The following SLC2A6 variants were observed in gnomAD, a reference collection of about 807,000 sequenced individuals.
The protein encoded by SLC2A6 is solute carrier family 2 member 6.
A neutral mutation model predicts 47.8 loss-of-function variants in SLC2A6; 39 were observed. The observed-to-expected ratio is 0.82, with a 90% confidence interval of 0.63 to 1.07. The LOEUF (loss-of-function observed/expected upper bound fraction) is 1.07. Ranked by LOEUF, SLC2A6 falls within the 50% of genes least tolerant of loss-of-function variation. SLC2A6 has a pLI of 0.00. For missense variants in SLC2A6, 650 were observed against 707.6 expected (o/e 0.92, Z 0.92); for synonymous variants, 346 against 324.1 (o/e 1.07, Z -0.73).
intron 3 of SLC2A6, 124 bp from the exon 4 acceptor site, chr9:133,476,460 G>A (rs1554803412): frequency 6.3e-6 from 5 of 797,054 alleles, no homozygotes; most frequent in Middle Eastern, 4.4e-4. Flanking sequence ...TGGTGGGGCT[G>A]AGTCCTGGTC....
At chr9:133,473,841 G>C in intron 7 of SLC2A6, 139 bp downstream of exon 7, 3 of 808,062 alleles carry the variant, frequency 3.7e-6, no homozygotes, top group Non-Finnish European at 5.7e-6. Context: ...GCCTGGGCCA[G>C]GGCCCTGCCG....
Position 133,475,077 on chromosome 9 carries a change from GT to G in SLC2A6, c.810del (p.His271ThrfsTer11). ...SRVSWAEARA[P>X]HVCRPITVAL... ...GCCACGGTGATGGGCCGGCACACGT[GT>G]GGGGCCCGTGCCTCAGCCCACGATA... On this transcript the variant is annotated frameshift_variant, in exon 6 of 10. Coordinates refer to ENST00000371899, the MANE Select transcript of SLC2A6 (RefSeq NM_017585.4). LOFTEE classifies it high-confidence loss of function. 1.3e-6 allele frequency: 2 copies of G among 1,596,974 alleles called. No individual in the cohort carries two copies. The highest frequency in any genetic ancestry group is 1.7e-6 in the Non-Finnish European group (2 of 1,173,902).
chr9:133,474,699 C>G (rs940088291), intron 6 of SLC2A6, among the ~76,000 whole-genome samples: 2 of 152,240 alleles, frequency 1.3e-5, no homozygotes, highest in Non-Finnish European at 2.9e-5. Context: ...CCCGCCTTGG[C>G]CTCGTGTTGG....
chr9:133,476,302 C>T lies in SLC2A6; in HGVS notation c.497G>A (p.Arg166His), dbSNP rs781964271. Residue 166 changes from arginine (R) to histidine (H), a missense_variant, in exon 4 of 10, where the codon CGT (arginine) becomes CAT (histidine). Arg to His is a conservative substitution (Grantham distance 29, BLOSUM62 0). Coordinates refer to ENST00000371899, the MANE Select transcript of SLC2A6 (RefSeq NM_017585.4). The stretch of plus-strand genomic sequence containing the variant: ...CTGGGGTGTGGCCCCCAGAGCCCCA[C>T]GAACGCCTGGGGGAGCAATCTCAGA... ...YVSEIAPPGV[R>H]GALGATPQLM... 30 of 1,612,890 alleles carry T rather than the reference C, an allele frequency of 1.9e-5. No homozygotes were observed. The highest frequency in any genetic ancestry group is 8.8e-5 in the South Asian group (8 of 91,076).
rs41309954 is a variant in SLC2A6, at chr9:133,473,476, C to A, written c.1161G>T (p.Leu387=). 106,691 of 1,604,276 alleles carry A rather than the reference C, an allele frequency of 0.067. 4,170 individuals carry two copies. The highest frequency in any genetic ancestry group is 0.075 in the Non-Finnish European group (88,579 of 1,176,692). Residue 387 remains leucine (L), a synonymous_variant, in exon 8 of 10, where the codon CTG becomes CTT. Transcript: ENST00000371899. ...SESWGDLAQP[L]AAPAGYLTLV... The stretch of plus-strand genomic sequence containing the variant: ...GGGTGAGGTAGCCAGCGGGTGCTGC[C>A]AGGGGCTGCGCCAAGTCCCCCCAGG...
intron 6 of SLC2A6, among the ~76,000 whole-genome samples, 175 bp downstream of exon 6, chr9:133,474,786 C>G (rs1396032369): frequency 6.6e-6 from 1 of 152,250 alleles, no homozygotes; most frequent in Non-Finnish European, 1.5e-5. Context: ...GGCACTGGAA[C>G]TGTCTCCACA....
At chr9:133,476,045 G>C (rs1319096948) in intron 4 of SLC2A6, 192 bp downstream of exon 4, 1 of 553,222 alleles carries the variant, frequency 1.8e-6, no homozygotes, top group Non-Finnish European at 3.2e-6. Flanking sequence ...GACTGGGCCT[G>C]TGGCTAGAGG....
rs781799786 is a variant in SLC2A6 at position 133,473,413 on chromosome 9, A to G, written c.1222+2T>C. 1.3e-6 allele frequency: 2 copies of G among 1,596,702 alleles called. No homozygotes were observed. Among genetic ancestry groups the G allele is most frequent in the East Asian group, 4.5e-5 (2 of 44,588 alleles). On this transcript the variant is annotated splice_donor_variant, in intron 8 of 9. Transcript: ENST00000371899. LOFTEE classifies it high-confidence loss of function. ...GCCCCTCTGAGCCACCACCACACCTACCCATGATGAAGAGCATGGTGGCCA... is the reference window on the plus strand; with the variant it reads ...GCCCCTCTGAGCCACCACCACACCTGCCCATGATGAAGAGCATGGTGGCCA...
intron 9 of SLC2A6, 133 bp from the exon 10 acceptor site, chr9:133,472,309 C>T (rs958441050): frequency 2.0e-5 from 20 of 1,009,196 alleles, no homozygotes; most frequent in Admixed American, 1.3e-4. Context: ...GTTCAGAGAC[C>T]GCCCCCCCAC....
At chr9:133,472,396 TC>T (rs1263085937) in intron 9 of SLC2A6, among the ~76,000 whole-genome samples, 5 of 151,944 alleles carry the variant, frequency 3.3e-5, no homozygotes, top group Admixed American at 1.3e-4. Flanking sequence ...CCCTCGGCCT[TC>T]CTCAGGGGCT....
chr9:133,477,215 G>C lies in SLC2A6; in HGVS notation c.282C>G (p.Ala94=), dbSNP rs587649028. ...FGSVFTLGAA[A]GGLSAMILND... Reference sequence around the variant, plus strand: ...TGAGGATCATGGCACTCAGGCCTCCGGCCGCTGCTCCCAGGGTGAACACGG... The same window carrying C: ...TGAGGATCATGGCACTCAGGCCTCCCGCCGCTGCTCCCAGGGTGAACACGG... Residue 94 remains alanine, a synonymous_variant, in exon 3 of 10, where the codon GCC becomes GCG. Coordinates refer to ENST00000371899, the MANE Select transcript of SLC2A6 (RefSeq NM_017585.4). 6.4e-7 allele frequency: 1 copy of C among 1,551,024 alleles called. No homozygotes were observed.
intron 9 of SLC2A6, among the ~76,000 whole-genome samples, chr9:133,472,632 G>T (rs1843769900): frequency 6.6e-6 from 1 of 152,176 alleles, no homozygotes; most frequent in Admixed American, 6.5e-5. Context: ...GGCCTAGGCT[G>T]CCCTAGCCAG....
In SLC2A6 at chr9:133,477,068, GCCCGTCAGCGTCCT is replaced by G; in HGVS notation, c.415_428del (p.Arg139LeufsTer16). 1 of 1,545,962 alleles carries G rather than the reference GCCCGTCAGCGTCCT, an allele frequency of 6.5e-7. No homozygotes were observed. Among genetic ancestry groups the G allele is most frequent in the Non-Finnish European group, 8.7e-7 (1 of 1,146,098 alleles). On this transcript the variant is annotated frameshift_variant, in exon 3 of 10. Coordinates refer to ENST00000371899, the MANE Select transcript of SLC2A6 (RefSeq NM_017585.4). LOFTEE classifies it high-confidence loss of function. Reference sequence around the variant, plus strand: ...AGGCAGCTGTGAGCCCCCCGGCGAAGCCCGTCAGCGTCCTTCCGAGCAGCAGCATCCAGAGGCCG... The same window carrying G: ...AGGCAGCTGTGAGCCCCCCGGCGAAGTCCGAGCAGCAGCATCCAGAGGCCG...
At position 133,472,046 on chromosome 9, in the gene SLC2A6, G is replaced by A. The variant is rs3094378; in HGVS notation, c.1499C>T (p.Thr500Met). Reference protein sequence around the residue: ...SLEQIESFFRTGRRSFLR With the variant: ...SLEQIESFFRMGRRSFLR ...CTAGCGCAAGAAGGACCTTCTCCCCGTGCGGAAGAAGGACTCGATCTGCTC... is the reference window on the plus strand; with the variant it reads ...CTAGCGCAAGAAGGACCTTCTCCCCATGCGGAAGAAGGACTCGATCTGCTC... Residue 500 changes from threonine (T) to methionine (M), a missense_variant, in exon 10 of 10, where the codon ACG becomes ATG. Thr to Met is a moderately conservative substitution (Grantham distance 81). Transcript: ENST00000371899. 0.078 allele frequency: 126,069 copies of A among 1,612,864 alleles called. 5,624 individuals are homozygous for A. The highest frequency in any genetic ancestry group is 0.091 in the Non-Finnish European group (107,353 of 1,179,614).
rs1843732619 is a variant in SLC2A6 at position 133,471,951 on chromosome 9, G to A, written c.*70C>T. The A allele has an allele frequency of 1.4e-5, 21 of 1,537,712 alleles. No individual in the cohort carries two copies. In the South Asian group the frequency reaches 2.5e-4, roughly 18 times the overall value. On this transcript the variant is annotated 3_prime_UTR_variant, in exon 10 of 10. Coordinates refer to ENST00000371899, the MANE Select transcript of SLC2A6 (RefSeq NM_017585.4). ...ATGACTGCTGCCTCTTGGTCCCAGG[G>A]TGCAGGTTTGTAGCCAACACAGAGG... is the stretch of plus-strand genomic sequence containing the variant.
chr9:133,472,466 C>G (rs1483409472), intron 9 of SLC2A6, among the ~76,000 whole-genome samples: 1 of 152,128 alleles, frequency 6.6e-6, no homozygotes, highest in Non-Finnish European at 1.5e-5. Flanking sequence ...CGCTGGCATC[C>G]CAGCTGTTCC....
intron 9 of SLC2A6, 134 bp from the exon 10 acceptor site, chr9:133,472,310 G>A (rs782356562): frequency 8.0e-6 from 8 of 1,004,746 alleles, no homozygotes; most frequent in South Asian, 4.9e-5. Flanking sequence ...TTCAGAGACC[G>A]CCCCCCCACA....
intron 5 of SLC2A6, 130 bp from the exon 6 acceptor site, chr9:133,475,243 G>T: frequency 7.2e-7 from 1 of 1,380,220 alleles, no homozygotes; most frequent in Non-Finnish European, 9.5e-7. Flanking sequence ...AGCTTACCAG[G>T]CCACCCAGGC....
intron 9 of SLC2A6, 29 bp from the exon 10 acceptor site, chr9:133,472,205 A>G (rs1554801804): frequency 6.2e-7 from 1 of 1,608,814 alleles, no homozygotes; most frequent in Non-Finnish European, 8.5e-7. Context: ...GCCGGGTCAC[A>G]GGGAGAAGCT....
Sources: allele counts gnomAD v4.1 joint callset (sites outside exome capture counted in the v4.1 genomes callset), GRCh38; gene constraint gnomAD v4.1.1; transcripts MANE v1.5; gene names NCBI Gene and HGNC (gene_info 2026-07-23, HGNC 2026-07-21).